FAM171A1: variants seen among roughly 807,000 people sequenced by gnomAD.
FAM171A1 encodes the protein protein FAM171A1.
Under a neutral mutation model 74.9 loss-of-function variants are expected in FAM171A1, and 23 were observed. That is an observed-to-expected ratio of 0.31 (90% CI 0.22 to 0.44). The LOEUF (loss-of-function observed/expected upper bound fraction) is 0.44, where lower values mean the gene tolerates loss of function less well. Ranked by LOEUF, FAM171A1 falls within the 20% of genes least tolerant of loss-of-function variation. The pLI, the probability that FAM171A1 is intolerant of heterozygous loss-of-function variation, is 1.00. For missense variants in FAM171A1, 1,162 were observed against 1,159.2 expected (o/e 1.00, Z -0.03); for synonymous variants, 527 against 505.7 (o/e 1.04, Z -0.57).
chr10:15,268,348 T>C (rs983447351), intron 3 of FAM171A1, among the ~76,000 whole-genome samples: 1 of 152,068 alleles, frequency 6.6e-6, no homozygotes, highest in African/African-American at 2.4e-5. Flanking sequence ...TGAGGGGACA[T>C]GGTGGTATCC....
At chr10:15,317,582 A>C (rs1057048004) in intron 1 of FAM171A1, among the ~76,000 whole-genome samples, 55 of 151,822 alleles carry the variant, frequency 3.6e-4, no homozygotes, top group African/African-American at 1.3e-3. Context: ...TTTAGTAGAG[A>C]CGTGGTTTCA....
chr10:15,321,803 G>A (rs1835489811), intron 1 of FAM171A1, among the ~76,000 whole-genome samples: 1 of 152,200 alleles, frequency 6.6e-6, no homozygotes, highest in South Asian at 2.1e-4. Context: ...AAACTAGCCA[G>A]TCTCAGCCGC....
At chr10:15,271,579 G>A (rs998947146) in intron 3 of FAM171A1, among the ~76,000 whole-genome samples, 3 of 152,124 alleles carry the variant, frequency 2.0e-5, no homozygotes, top group Non-Finnish European at 4.4e-5. Context: ...ACACATAATT[G>A]TCAGATTCAC....
At chr10:15,227,910 C>A (rs1588498794) in intron 5 of FAM171A1, among the ~76,000 whole-genome samples, 1 of 152,182 alleles carries the variant, frequency 6.6e-6, no homozygotes, top group Non-Finnish European at 1.5e-5. Context: ...ATGTGTCCTG[C>A]AAGATCTGAT....
intron 1 of FAM171A1, among the ~76,000 whole-genome samples, chr10:15,293,065 TTTA>T: frequency 6.6e-6 from 1 of 152,318 alleles, no homozygotes; most frequent in East Asian, 1.9e-4. Flanking sequence ...AACTCATATG[TTTA>T]TTATTAAACT....
At chr10:15,217,094 A>G (rs1833976629) in intron 6 of FAM171A1, among the ~76,000 whole-genome samples, 1 of 152,224 alleles carries the variant, frequency 6.6e-6, no homozygotes, top group Non-Finnish European at 1.5e-5. Context: ...ATCTCTTTAG[A>G]ACTTATACAT....
intron 1 of FAM171A1, among the ~76,000 whole-genome samples, chr10:15,329,630 A>T (rs908763581): frequency 2.5e-3 from 90 of 35,698 alleles, no homozygotes; most frequent in Middle Eastern, 0.015. Context: ...TCTCACTTAA[A>T]AAAAAAAAAA....
intron 1 of FAM171A1, among the ~76,000 whole-genome samples, chr10:15,334,677 G>A (rs781530597): frequency 8.5e-5 from 13 of 152,136 alleles, no homozygotes; most frequent in Non-Finnish European, 1.8e-4. Flanking sequence ...TTTCTTGGAG[G>A]TGGCACCTCT....
chr10:15,337,519 C>T (rs192684450), intron 1 of FAM171A1, among the ~76,000 whole-genome samples: 3 of 129,226 alleles, frequency 2.3e-5, no homozygotes, highest in Admixed American at 7.6e-5. Context: ...GGCCGGGTGC[C>T]GTGACTCACG....
chr10:15,370,512 A>G (rs1836127518), intron 1 of FAM171A1, among the ~76,000 whole-genome samples: 1 of 151,948 alleles, frequency 6.6e-6, no homozygotes, highest in Non-Finnish European at 1.5e-5. Context: ...AGCGCAGCCC[A>G]GGAGCTGGGA....
At chr10:15,280,905 T>A (rs1363705788) in intron 2 of FAM171A1, among the ~76,000 whole-genome samples, 1 of 152,222 alleles carries the variant, frequency 6.6e-6, no homozygotes, top group African/African-American at 2.4e-5. Context: ...CCTGTTAAGT[T>A]CTAGTTAAGA....
chr10:15,278,857 A>T (rs921228921), intron 2 of FAM171A1, among the ~76,000 whole-genome samples: 1 of 152,214 alleles, frequency 6.6e-6, no homozygotes, highest in Admixed American at 6.5e-5. Flanking sequence ...TAAATCCCGC[A>T]TGACCACTTC....
intron 3 of FAM171A1, among the ~76,000 whole-genome samples, chr10:15,275,560 G>A (rs984376302): frequency 1.3e-5 from 2 of 151,960 alleles, no homozygotes; most frequent in African/African-American, 4.8e-5. Flanking sequence ...GCTTCCCAAA[G>A]TGCTGGGATT....
intron 1 of FAM171A1, among the ~76,000 whole-genome samples, chr10:15,353,015 GGGCGCTCTGTGCT>G (rs1416963478): frequency 6.6e-6 from 1 of 152,216 alleles, no homozygotes; most frequent in Non-Finnish European, 1.5e-5. Context: ...CATTTTAAAA[GGGCGCTCTGTGCT>G]CCGGCAGATG....
At chr10:15,296,706 C>G (rs919398976) in intron 1 of FAM171A1, among the ~76,000 whole-genome samples, 1 of 129,444 alleles carries the variant, frequency 7.7e-6, no homozygotes, top group East Asian at 1.9e-4. Flanking sequence ...GGATCTGCGG[C>G]CCCAGTGTCT....
intron 2 of FAM171A1, among the ~76,000 whole-genome samples, chr10:15,280,757 C>G (rs1834958324): frequency 6.6e-6 from 1 of 152,222 alleles, no homozygotes; most frequent in Non-Finnish European, 1.5e-5. Context: ...AAGAGGCTCC[C>G]AGCTCTTCTC....
chr10:15,368,045 C>T (rs1836087437), intron 1 of FAM171A1, among the ~76,000 whole-genome samples: 1 of 152,082 alleles, frequency 6.6e-6, no homozygotes, highest in South Asian at 2.1e-4. Context: ...TACTTTTGAA[C>T]AACAATTTTG....
chr10:15,213,736 G>A lies in FAM171A1; in HGVS notation c.1852C>T (p.Leu618=), dbSNP rs1196542044. The change falls in exon 8 of 8, where the codon CTG becomes TTG. Residue 618 remains leucine (L), a synonymous_variant. Coordinates refer to ENST00000378116, the MANE Select transcript of FAM171A1 (RefSeq NM_001010924.2). The surrounding 1 kb of genome is among the most constrained non-coding windows in gnomAD (Gnocchi z 6.8). ...AAGATCCCGGCATGGGGATTGGACAGCTCAGCCTGTAGTCTTTCTATCTCA... is the reference window on the plus strand; with the variant it reads ...AAGATCCCGGCATGGGGATTGGACAACTCAGCCTGTAGTCTTTCTATCTCA... The part of the protein sequence containing the change: ...QLEIERLQAE[L]SNPHAGIFPH... 1 of 1,613,434 alleles carries A rather than the reference G, an allele frequency of 6.2e-7. No homozygotes were observed. The highest frequency in any genetic ancestry group is 1.3e-5 in the African/African-American group (1 of 74,932).
At chr10:15,365,913 T>C (rs752312214) in intron 1 of FAM171A1, among the ~76,000 whole-genome samples, 18 of 152,178 alleles carry the variant, frequency 1.2e-4, no homozygotes, top group Non-Finnish European at 2.5e-4. Context: ...ATCTTACATA[T>C]GCTGACTCAG....
Sources: gnomAD v4.1 joint callset for allele counts (sites outside exome capture counted in the v4.1 genomes callset) on GRCh38, gnomAD v4.1.1 for gene constraint, Gnocchi (gnomAD v3.1) non-coding constraint, MANE v1.5 for transcripts, NCBI Gene and HGNC (gene_info 2026-07-23, HGNC 2026-07-21) for gene names.